The following YAP1 variants were observed in gnomAD, a reference collection of about 807,000 sequenced individuals.
YAP1 encodes the protein transcriptional coactivator YAP1.
YAP1 carries 5 observed loss-of-function variants against 56.9 expected under a neutral mutation model. The observed-to-expected ratio is 0.09, with a 90% CI of 0.05 to 0.18. YAP1 has a LOEUF of 0.18. Ranked by LOEUF, YAP1 falls within the 10% of genes least tolerant of loss-of-function variation. YAP1 has a pLI of 1.00. For synonymous variants in YAP1, 265 were observed against 248.1 expected (o/e 1.07, Z -0.64); for missense variants, 539 against 651.8 (o/e 0.83, Z 1.88).
chr11:102,133,795 A>G (rs1944512857), intron 2 of YAP1, among the ~76,000 whole-genome samples: 1 of 152,200 alleles, frequency 6.6e-6, no homozygotes, highest in Non-Finnish European at 1.5e-5. Flanking sequence ...TTGGGCAGCC[A>G]TTAAAAAATA....
At chr11:102,187,174 C>T (rs543537178) in intron 4 of YAP1, among the ~76,000 whole-genome samples, 1 of 152,228 alleles carries the variant, frequency 6.6e-6, no homozygotes, top group Admixed American at 6.5e-5. Context: ...ATAACTTCTC[C>T]ATCGGGAATA....
chr11:102,165,419 C>G (rs959111728), intron 3 of YAP1, among the ~76,000 whole-genome samples: 4 of 151,992 alleles, frequency 2.6e-5, no homozygotes, highest in Admixed American at 1.3e-4. Flanking sequence ...TAATATATTA[C>G]ATAAAAATTA....
intron 2 of YAP1, among the ~76,000 whole-genome samples, chr11:102,128,947 A>T (rs1591158890): frequency 8.9e-6 from 1 of 112,740 alleles, no homozygotes; most frequent in African/African-American, 2.7e-5. Flanking sequence ...TTCCTTTTTT[A>T]CCTCCCTCCC....
chr11:102,169,985 TGCAAATG>T (rs1946817485), intron 3 of YAP1, among the ~76,000 whole-genome samples: 1 of 152,250 alleles, frequency 6.6e-6, no homozygotes, highest in South Asian at 2.1e-4. Context: ...ATATCCAGCT[TGCAAATG>T]GCATTAGCTT....
intron 2 of YAP1, among the ~76,000 whole-genome samples, chr11:102,160,547 A>G (rs140452483): frequency 6.6e-6 from 1 of 152,288 alleles, no homozygotes; most frequent in African/African-American, 2.4e-5. Flanking sequence ...ATTTAAAAGG[A>G]TTCTCTGTAA....
intron 2 of YAP1, among the ~76,000 whole-genome samples, chr11:102,151,543 T>C (rs1208335326): frequency 6.6e-6 from 1 of 152,234 alleles, no homozygotes; most frequent in Non-Finnish European, 1.5e-5. Context: ...TAGATCATTT[T>C]ATATTCATTT....
At chr11:102,198,857 G>C (rs1056265250) in intron 4 of YAP1, among the ~76,000 whole-genome samples, 2 of 152,058 alleles carry the variant, frequency 1.3e-5, no homozygotes, top group Admixed American at 6.6e-5. Context: ...TTCACCGAAA[G>C]AGAAGGATCC....
At chr11:102,173,240 A>AGC (rs1947024658) in intron 3 of YAP1, among the ~76,000 whole-genome samples, 1 of 152,168 alleles carries the variant, frequency 6.6e-6, no homozygotes, top group Non-Finnish European at 1.5e-5. Flanking sequence ...CTCTAATACC[A>AGC]TATTGCTAGT....
At chr11:102,164,391 A>G (rs1946474143) in intron 3 of YAP1, among the ~76,000 whole-genome samples, 1 of 152,236 alleles carries the variant, frequency 6.6e-6, no homozygotes. Flanking sequence ...TTACTTGGCA[A>G]CTATTATGTT....
Position 102,111,130 on chromosome 11 carries a change from C to T in YAP1, c.282C>T (p.Ser94=). The part of the protein sequence containing the change: ...VPMRLRKLPD[S]FFKPPEPKSH... Reference sequence around the variant, plus strand: ...TGAGGCTCCGGAAGCTGCCCGACTCCTTCTTCAAGCCGCCGGAGCCCAAAT... The same window carrying T: ...TGAGGCTCCGGAAGCTGCCCGACTCTTTCTTCAAGCCGCCGGAGCCCAAAT... Residue 94 remains serine, a synonymous_variant, in exon 1 of 9, where the codon TCC becomes TCT. Transcript: ENST00000282441. 1 of 1,613,290 alleles carries T rather than the reference C, an allele frequency of 6.2e-7. No individual in the cohort carries two copies.
intron 4 of YAP1, among the ~76,000 whole-genome samples, chr11:102,194,973 G>T (rs1255888813): frequency 3.3e-5 from 5 of 151,804 alleles, no homozygotes; most frequent in Admixed American, 2.6e-4. Context: ...GCTCAGTCTG[G>T]TCTTGAACTC....
chr11:102,133,183 A>G (rs1167402241), intron 2 of YAP1, among the ~76,000 whole-genome samples: 1 of 152,142 alleles, frequency 6.6e-6, no homozygotes, highest in Admixed American at 6.5e-5. Flanking sequence ...ACAAACAAAC[A>G]AACAATTTGG....
At chr11:102,134,859 C>G (rs2135253663) in intron 2 of YAP1, among the ~76,000 whole-genome samples, 1 of 152,168 alleles carries the variant, frequency 6.6e-6, no homozygotes. Flanking sequence ...CAGGTACATG[C>G]CACCATGCCA....
At chr11:102,218,861 A>C (rs528635725) in intron 6 of YAP1, among the ~76,000 whole-genome samples, 1 of 152,344 alleles carries the variant, frequency 6.6e-6, no homozygotes, top group African/African-American at 2.4e-5. Context: ...TGAAGTAAAA[A>C]GTAAAAATTT....
At chr11:102,139,133 TG>T (rs1423826585) in intron 2 of YAP1, among the ~76,000 whole-genome samples, 2 of 152,124 alleles carry the variant, frequency 1.3e-5, no homozygotes, top group Non-Finnish European at 2.9e-5. Flanking sequence ...ATCCAAAAGT[TG>T]ATTTTAAACA....
chr11:102,167,475 C>G (rs1591298049), intron 3 of YAP1, among the ~76,000 whole-genome samples: 1 of 152,222 alleles, frequency 6.6e-6, no homozygotes, highest in African/African-American at 2.4e-5. Flanking sequence ...TGGCTCATGC[C>G]TGTAATCCCA....
chr11:102,219,048 A>G (rs1949793890), intron 6 of YAP1, among the ~76,000 whole-genome samples: 1 of 152,176 alleles, frequency 6.6e-6, no homozygotes, highest in South Asian at 2.1e-4. Context: ...TTTAGTTATG[A>G]CTTACAGTTT....
intron 4 of YAP1, among the ~76,000 whole-genome samples, chr11:102,195,270 C>T (rs540969733): frequency 6.6e-6 from 1 of 152,168 alleles, no homozygotes; most frequent in Non-Finnish European, 1.5e-5. Flanking sequence ...AAATGTTCTG[C>T]TGGATTTCTT....
At chr11:102,111,445 CCTTT>C (rs1942899739) in intron 1 of YAP1, among the ~76,000 whole-genome samples, 1 of 151,560 alleles carries the variant, frequency 6.6e-6, no homozygotes, top group Non-Finnish European at 1.5e-5. Flanking sequence ...CCTCCTTCTT[CCTTT>C]CTTTCTTCCC....
Sources: gnomAD v4.1 joint callset for allele counts (sites outside exome capture counted in the v4.1 genomes callset) on GRCh38, gnomAD v4.1.1 for gene constraint, MANE v1.5 for transcripts, NCBI Gene and HGNC (gene_info 2026-07-23, HGNC 2026-07-21) for gene names.